Variants in PTPN21 observed in about 807,000 individuals in gnomAD.
The protein encoded by PTPN21 is tyrosine-protein phosphatase non-receptor type 21.
A neutral mutation model predicts 131.8 loss-of-function variants in PTPN21; 77 were observed. The ratio of observed to expected loss-of-function variants is 0.58; its 90% CI spans 0.49 to 0.71. PTPN21 has a LOEUF of 0.71. Ranked by LOEUF, PTPN21 falls within the 30% of genes least tolerant of loss-of-function variation. PTPN21 has a pLI of 0.00. For synonymous variants in PTPN21, 715 were observed against 621.3 expected, an observed-to-expected ratio of 1.15 and a Z score of -2.24; for missense variants, 1,552 against 1,527.1, an observed-to-expected ratio of 1.02 and a Z score of -0.27.
intron 13 of PTPN21, among the ~76,000 whole-genome samples, chr14:88,476,105 G>A (rs1193359017): frequency 6.6e-6 from 1 of 152,158 alleles, no homozygotes; most frequent in African/African-American, 2.4e-5. Flanking sequence ...AGGTGGAGAT[G>A]GGTGGAGAAT....
intron 2 of PTPN21, among the ~76,000 whole-genome samples, chr14:88,549,545 C>T (rs1254214787): frequency 6.6e-6 from 1 of 152,128 alleles, no homozygotes; most frequent in Non-Finnish European, 1.5e-5. Context: ...AGTGAGTGGC[C>T]CGTGGGCTAG....
chr14:88,530,901 A>C (rs1386098530), intron 2 of PTPN21, among the ~76,000 whole-genome samples: 1 of 152,210 alleles, frequency 6.6e-6, no homozygotes, highest in Non-Finnish European at 1.5e-5. Context: ...GTCAACAAAG[A>C]AACAATGGAC....
rs2077605496 is a variant in PTPN21, at chr14:88,479,510, C to A, written c.1921G>T (p.Ala641Ser). The change falls in exon 13 of 19, where the codon GCC (alanine) becomes TCC (serine). Residue 641 changes from alanine to serine, a missense_variant. This residue lies in a region of PTPN21 where 1,016 missense variants were observed against 883.5 expected (regional missense o/e 1.15). Transcript: ENST00000556564. ...CCCTCCAGGCCGTGGCTGAGCCCGG[C>A]CACCTCGATGCTGTTCCGTTTGTGC... Reference protein sequence around the residue: ...QLHKRNSIEVAGLSHGLEGLR... With the variant: ...QLHKRNSIEVSGLSHGLEGLR... 3 of 1,600,740 alleles carry A rather than the reference C, an allele frequency of 1.9e-6. No individual in the cohort carries two copies. The highest frequency in any genetic ancestry group is 1.7e-5 in the Admixed American group (1 of 59,934).
intron 2 of PTPN21, 108 bp downstream of exon 2, chr14:88,550,130 G>C: frequency 1.7e-6 from 2 of 1,168,368 alleles, no homozygotes; most frequent in South Asian, 1.5e-5. Flanking sequence ...GCCAGGCTAG[G>C]CTCGAACTCC....
At chr14:88,481,390 A>C (rs1400899910) in intron 12 of PTPN21, among the ~76,000 whole-genome samples, 1 of 152,092 alleles carries the variant, frequency 6.6e-6, no homozygotes, top group Non-Finnish European at 1.5e-5. Flanking sequence ...TCATGGCTCC[A>C]TCTCTGCAAT....
rs1415334508 is a variant in PTPN21 at position 88,478,989 on chromosome 14, CAG to C, written c.2440_2441del (p.Leu814GlufsTer39). 4.4e-6 allele frequency: 7 copies of C among 1,584,530 alleles called. No individual in the cohort carries two copies. The highest frequency in any genetic ancestry group is 4.6e-5 in the East Asian group (2 of 43,770). On this transcript the variant is annotated frameshift_variant, in exon 13 of 19. Coordinates refer to ENST00000556564, the MANE Select transcript of PTPN21 (RefSeq NM_007039.4). LOFTEE classifies it high-confidence loss of function. ...SGRYRARRDSLKKRPVSDLLS... is the reference protein window; with the variant it reads ...SGRYRARRDSXKKRPVSDLLS... ...GAAGGTCCGACACCGGCCTTTTCTT[CAG>C]AGAGTCCCTCCGGGCTCGGTAGCGG...
chr14:88,481,803 G>T (rs1048688824), intron 12 of PTPN21, among the ~76,000 whole-genome samples: 1 of 152,164 alleles, frequency 6.6e-6, no homozygotes, highest in Non-Finnish European at 1.5e-5. Context: ...CAGAAGTGAG[G>T]TCTCTCCACC....
chr14:88,512,279 A>C (rs1173386416), intron 3 of PTPN21: 1 of 152,112 alleles, frequency 6.6e-6, no homozygotes, highest in Non-Finnish European at 1.5e-5. Flanking sequence ...TTTTTATCAC[A>C]CCCAACAAAA....
chr14:88,527,508 GTTC>G (rs1226570283), intron 2 of PTPN21, among the ~76,000 whole-genome samples: 2 of 152,052 alleles, frequency 1.3e-5, no homozygotes, highest in Non-Finnish European at 2.9e-5. Flanking sequence ...GTGATTATTT[GTTC>G]TTTTCTCACT....
In PTPN21 at chr14:88,468,108, T is replaced by A; in HGVS notation, c.*29A>T. ...TTTTTTAAGCTGTAAACGCTTCACA[T>A]GACTGGCCCCGTAAGAAATTGTGGG... On this transcript the variant is annotated 3_prime_UTR_variant, in exon 19 of 19. Coordinates refer to ENST00000556564, the MANE Select transcript of PTPN21 (RefSeq NM_007039.4). The A allele has an allele frequency of 6.2e-7, 1 of 1,612,464 alleles. No homozygotes were observed.
At chr14:88,477,231 T>C (rs2077559090) in intron 13 of PTPN21, among the ~76,000 whole-genome samples, 2 of 151,102 alleles carry the variant, frequency 1.3e-5, no homozygotes, top group Non-Finnish European at 2.9e-5. Context: ...TTGTGAAAAA[T>C]TTAAAAATCA....
intron 2 of PTPN21, among the ~76,000 whole-genome samples, chr14:88,518,409 TATATA>T (rs1205848097): frequency 1.8e-4 from 4 of 21,626 alleles, no homozygotes; most frequent in Non-Finnish European, 3.2e-4. Flanking sequence ...TATATATATA[TATATA>T]TTTTTTTTTT....
intron 4 of PTPN21, among the ~76,000 whole-genome samples, chr14:88,506,528 T>C (rs184840312): frequency 2.0e-3 from 308 of 152,236 alleles, no homozygotes; most frequent in South Asian, 0.011. Flanking sequence ...TCCTCCCACA[T>C]TGGCCTCCCA....
chr14:88,522,053 CATA>C (rs2078402217), intron 2 of PTPN21, among the ~76,000 whole-genome samples: 1 of 152,166 alleles, frequency 6.6e-6, no homozygotes, highest in African/African-American at 2.4e-5. Context: ...GAAATTGCAT[CATA>C]ATTAGTTTTT....
Position 88,547,983 on chromosome 14 carries a change from C to A in PTPN21, c.180+2255G>T, listed in dbSNP as rs531312232. ...TCAGTATTTCTAAAACTGAACTCAC[C>A]ACACGCTCCTCCTTGCCCCTAATAG... On this transcript the variant is annotated intron_variant, in intron 2 of 18. Transcript: ENST00000556564. 6.1e-4 allele frequency among the ~76,000 whole-genome samples: 93 copies of A among 152,238 alleles called. 1 individual carries two copies. The South Asian group carries it at 0.018, about 29-fold the overall frequency.
chr14:88,488,990 C>T (rs73315938), intron 10 of PTPN21, among the ~76,000 whole-genome samples: 5,623 of 152,122 alleles, frequency 0.037, 355 homozygotes, highest in African/African-American at 0.13. Flanking sequence ...GAAAGTGATA[C>T]GTAAGTTCAG....
intron 3 of PTPN21, among the ~76,000 whole-genome samples, chr14:88,510,187 T>C (rs554236300): frequency 1.5e-5 from 2 of 131,462 alleles, no homozygotes; most frequent in Non-Finnish European, 3.2e-5. Context: ...CAATGTCTTA[T>C]ATAAAAAATC....
intron 2 of PTPN21, among the ~76,000 whole-genome samples, chr14:88,525,551 T>A (rs1215731935): frequency 6.6e-6 from 1 of 152,096 alleles, no homozygotes; most frequent in Admixed American, 6.6e-5. Flanking sequence ...ATTTAAAAAA[T>A]AGGAAGTAAA....
intron 3 of PTPN21, among the ~76,000 whole-genome samples, chr14:88,511,202 T>C (rs61975277): frequency 0.35 from 52,514 of 151,674 alleles, 9,640 homozygotes; most frequent in African/African-American, 0.48. Flanking sequence ...AAGCATGAGC[T>C]ACCACACCCA....
Sources: gnomAD v4.1 joint callset for allele counts (sites outside exome capture counted in the v4.1 genomes callset) on GRCh38, gnomAD v4.1.1 for gene constraint, gnomAD v4.1.1 regional missense constraint, MANE v1.5 for transcripts, NCBI Gene and HGNC (gene_info 2026-07-23, HGNC 2026-07-21) for gene names.